The following NAALADL2 variants were observed in gnomAD, a reference collection of about 807,000 sequenced individuals.
NAALADL2 encodes inactive N-acetylated-alpha-linked acidic dipeptidase-like protein 2.
In NAALADL2, 76 loss-of-function variants were observed where a neutral mutation model predicts 87.2. The observed-to-expected ratio is 0.87, with a 90% CI of 0.72 to 1.05. The LOEUF (loss-of-function observed/expected upper bound fraction) is 1.05, where lower values mean the gene tolerates loss of function less well. NAALADL2 is among the 50% of genes least tolerant of loss of function. The pLI is 0.00. For synonymous variants in NAALADL2, 354 were observed against 331.0 expected, an observed-to-expected ratio of 1.07 and a Z score of -0.75; for missense variants, 1,089 against 945.8, an observed-to-expected ratio of 1.15 and a Z score of -1.99.
At chr3:175,753,460 G>T (rs1398732442) in intron 12 of NAALADL2, among the ~76,000 whole-genome samples, 6 of 151,942 alleles carry the variant, frequency 3.9e-5, no homozygotes, top group Non-Finnish European at 7.4e-5. Context: ...TTTCAACACG[G>T]TGCTGGGCAC....
rs137889343 is a variant in NAALADL2, at chr3:175,173,722, A to T, written c.546-60209A>T. On this transcript the variant is annotated intron_variant, in intron 2 of 13. Transcript: ENST00000454872. Reference sequence around the variant, plus strand: ...GGTCTGTTTAGCTTTCCTTTTATTAATTGCATTCAAACTTCACAGTTGCAA... The same window carrying T: ...GGTCTGTTTAGCTTTCCTTTTATTATTTGCATTCAAACTTCACAGTTGCAA... Among the ~76,000 whole-genome samples the T allele has an allele frequency of 2.0e-5, 3 of 152,246 alleles. No homozygotes were observed. In the East Asian group the frequency reaches 5.8e-4, roughly 29 times the overall value.
intron 5 of NAALADL2, among the ~76,000 whole-genome samples, chr3:175,328,597 A>G (rs1761030031): frequency 6.6e-6 from 1 of 152,160 alleles, no homozygotes; most frequent in Non-Finnish European, 1.5e-5. Flanking sequence ...CCAGGACCAT[A>G]TATTTCTGGA....
intron 1 of NAALADL2, among the ~76,000 whole-genome samples, chr3:174,978,616 G>C (rs1036371258): frequency 6.6e-6 from 1 of 152,012 alleles, no homozygotes; most frequent in Non-Finnish European, 1.5e-5. Flanking sequence ...TATGTTTTCC[G>C]AATAATAACA....
chr3:175,668,784 A>C (rs887367698), intron 11 of NAALADL2, among the ~76,000 whole-genome samples: 1 of 152,166 alleles, frequency 6.6e-6, no homozygotes, highest in Non-Finnish European at 1.5e-5. Flanking sequence ...TCCGTGCGAT[A>C]TAATGAATAA....
chr3:174,493,003 A>G (rs1718298775), intron 1 of NAALADL2, among the ~76,000 whole-genome samples: 1 of 152,200 alleles, frequency 6.6e-6, no homozygotes, highest in African/African-American at 2.4e-5. Flanking sequence ...TAGAGACTTT[A>G]AGGATTTTTT....
chr3:175,099,592 G>A (rs372320133), intron 2 of NAALADL2, among the ~76,000 whole-genome samples: 1 of 151,952 alleles, frequency 6.6e-6, no homozygotes, highest in African/African-American at 2.4e-5. Flanking sequence ...CCTTAATTCC[G>A]TACCTCCTAG....
Position 174,720,720 on chromosome 3 carries a change from G to T in NAALADL2, c.-114-16921G>T, listed in dbSNP as rs139161468. Among the ~76,000 whole-genome samples the T allele has an allele frequency of 7.6e-3, 1,153 of 152,246 alleles. 16 individuals carry two copies. Among genetic ancestry groups the T allele is most frequent in the Middle Eastern group, 0.027 (8 of 294 alleles). On this transcript the variant is annotated intron_variant, in intron 2 of 3. Transcript: ENST00000434257. ...GGGACAGCTGTTGTTCCTTAATTGT[G>T]AGTAGATTAATAAAATGCAGTTTTT...
intron 1 of NAALADL2, among the ~76,000 whole-genome samples, chr3:174,985,653 G>C (rs113907966): frequency 0.02 from 3,101 of 152,166 alleles, 100 homozygotes; most frequent in African/African-American, 0.07. Flanking sequence ...TATATTTTCT[G>C]AGTTCTTAAA....
At chr3:175,159,798 T>C (rs996579911) in intron 2 of NAALADL2, among the ~76,000 whole-genome samples, 1 of 149,352 alleles carries the variant, frequency 6.7e-6, no homozygotes, top group African/African-American at 2.4e-5. Flanking sequence ...CCTGCCTCCC[T>C]CCCATCCTTC....
chr3:174,874,347 T>A (rs1327855072), intron 1 of NAALADL2, among the ~76,000 whole-genome samples: 5 of 152,208 alleles, frequency 3.3e-5, no homozygotes, highest in African/African-American at 1.2e-4. Context: ...TCTCCCCTAC[T>A]GATACTTAAT....
intron 11 of NAALADL2, among the ~76,000 whole-genome samples, chr3:175,659,797 C>T (rs1731995664): frequency 6.6e-6 from 1 of 152,132 alleles, no homozygotes; most frequent in African/African-American, 2.4e-5. Flanking sequence ...CCAAAAGGAG[C>T]TAGACTTCTA....
At chr3:175,182,050 C>T (rs1465722628) in intron 2 of NAALADL2, among the ~76,000 whole-genome samples, 1 of 151,908 alleles carries the variant, frequency 6.6e-6, no homozygotes, top group African/African-American at 2.4e-5. Flanking sequence ...TCCACATCCT[C>T]ACCAACACTT....
intron 1 of NAALADL2, among the ~76,000 whole-genome samples, chr3:174,539,665 G>T (rs1439805869): frequency 6.6e-6 from 1 of 152,026 alleles, no homozygotes; most frequent in East Asian, 1.9e-4. Flanking sequence ...ATTCTGAAAG[G>T]ACCGTCAATA....
chr3:175,779,483 T>G (rs1299643837), intron 13 of NAALADL2, among the ~76,000 whole-genome samples: 1 of 152,150 alleles, frequency 6.6e-6, no homozygotes, highest in Non-Finnish European at 1.5e-5. Flanking sequence ...CTTTAAAGTG[T>G]TCTTCCTACC....
chr3:174,720,888 G>T (rs1286992968), intron 2 of NAALADL2, among the ~76,000 whole-genome samples: 3 of 152,174 alleles, frequency 2.0e-5, no homozygotes, highest in African/African-American at 7.2e-5. Flanking sequence ...AGTTCTTAGA[G>T]ACCATAAAAT....
chr3:174,907,962 G>T (rs575186901), intron 1 of NAALADL2, among the ~76,000 whole-genome samples: 18 of 149,102 alleles, frequency 1.2e-4, no homozygotes, highest in African/African-American at 4.5e-4. Context: ...TTGCTTTCCA[G>T]CATTAAGTAA....
At chr3:175,118,782 A>G (rs1725681153) in intron 2 of NAALADL2, among the ~76,000 whole-genome samples, 1 of 151,812 alleles carries the variant, frequency 6.6e-6, no homozygotes. Flanking sequence ...GAATGACACC[A>G]GCTGCCCATT....
At chr3:174,865,038 G>C (rs1301751635) in intron 1 of NAALADL2, among the ~76,000 whole-genome samples, 1 of 152,006 alleles carries the variant, frequency 6.6e-6, no homozygotes, top group African/African-American at 2.4e-5. Context: ...ATGCTATTTT[G>C]TTGCTCTGGT....
chr3:174,497,707 C>G (rs1718633137), intron 1 of NAALADL2, among the ~76,000 whole-genome samples: 1 of 152,092 alleles, frequency 6.6e-6, no homozygotes, highest in South Asian at 2.1e-4. Context: ...TCTTTTGAAG[C>G]TGGCGCAGAC....
Sources: allele counts gnomAD v4.1 joint callset (sites outside exome capture counted in the v4.1 genomes callset), GRCh38; gene constraint gnomAD v4.1.1; transcripts MANE v1.5; gene names NCBI Gene and HGNC (gene_info 2026-07-23, HGNC 2026-07-21).